The following SMG6 variants were observed in gnomAD, a reference collection of about 807,000 sequenced individuals.
SMG6 encodes SMG6 nonsense mediated mRNA decay factor.
A neutral mutation model predicts 142.2 loss-of-function variants in SMG6; 66 were observed. The observed-to-expected ratio is 0.46, with a 90% confidence interval of 0.38 to 0.57. The LOEUF (loss-of-function observed/expected upper bound fraction) is 0.57, where lower values mean the gene tolerates loss of function less well. Ranked by LOEUF, SMG6 falls within the 20% of genes least tolerant of loss-of-function variation. The probability of loss-of-function intolerance (pLI) is 0.00; values close to 1 mark genes in which losing one functional copy is unlikely to be tolerated. For synonymous variants in SMG6, 779 were observed against 702.4 expected, an observed-to-expected ratio of 1.11 and a Z score of -1.72; for missense variants, 1,793 against 1,832.0, an observed-to-expected ratio of 0.98 and a Z score of 0.39.
chr17:2,297,763 G>A (rs892648925), intron 3 of SMG6, 100 bp downstream of exon 3: 8 of 1,375,484 alleles, frequency 5.8e-6, no homozygotes, highest in East Asian at 4.7e-5. Flanking sequence ...TTTTTTTGTC[G>A]ATATTCTGTT....
intron 18 of SMG6, chr17:2,062,248 G>A (rs12451211): frequency 0.76 from 115,650 of 152,330 alleles, 44,028 homozygotes; most frequent in East Asian, 0.94. Context: ...GTATACAGGC[G>A]AAAGTCTCTA....
At chr17:2,231,614 T>G (rs185142003) in intron 10 of SMG6, among the ~76,000 whole-genome samples, 1 of 152,066 alleles carries the variant, frequency 6.6e-6, no homozygotes, top group African/African-American at 2.4e-5. Context: ...GGAGAACTGC[T>G]TGAACCCGGG....
intron 14 of SMG6, 175 bp from the exon 15 acceptor site, chr17:2,082,131 G>A: frequency 3.2e-6 from 2 of 617,840 alleles, no homozygotes; most frequent in Non-Finnish European, 5.7e-6. Flanking sequence ...GTTGACAAAA[G>A]CTGTCACTCT....
At chr17:2,223,136 C>G (rs889120834) in intron 10 of SMG6, among the ~76,000 whole-genome samples, 4 of 152,162 alleles carry the variant, frequency 2.6e-5, no homozygotes, top group African/African-American at 9.7e-5. Context: ...GCCTAAAGCC[C>G]TGGGCAGGCA....
intron 10 of SMG6, among the ~76,000 whole-genome samples, chr17:2,191,467 C>T (rs2072160901): frequency 6.6e-6 from 1 of 152,190 alleles, no homozygotes; most frequent in African/African-American, 2.4e-5. Context: ...CATTGTTTGC[C>T]TTGGTATTCG....
Position 2,269,174 on chromosome 17 carries a change from C to T in SMG6, c.2661+13473G>A, listed in dbSNP as rs1257982308. Among the ~76,000 whole-genome samples the T allele has an allele frequency of 3.5e-5, 5 of 144,224 alleles. No individual in the cohort carries two copies. In the South Asian group the frequency reaches 6.5e-4, roughly 19 times the overall value. The allele number at this position is 144,224 out of a possible 152,430, so 94.6% of individuals were successfully genotyped here. ...GGCGGAGCTTGCAGTGAGCCGAGAT[C>T]GCAGCACTGCACTCCAGCCTGGGCG... On this transcript the variant is annotated intron_variant, in intron 8 of 18. Transcript: ENST00000263073.
chr17:2,158,264 C>T (rs1001313384), intron 13 of SMG6, among the ~76,000 whole-genome samples: 5 of 152,014 alleles, frequency 3.3e-5, no homozygotes, highest in Non-Finnish European at 7.4e-5. Flanking sequence ...TGCACATATG[C>T]AAACCACGTT....
intron 10 of SMG6, chr17:2,232,696 G>C (rs1006947411): frequency 2.6e-5 from 4 of 152,162 alleles, no homozygotes; most frequent in African/African-American, 9.7e-5. Context: ...ACCGAGAGGA[G>C]ATCAAGGTCT....
At position 2,194,054 on chromosome 17, in the gene SMG6, G is replaced by C. The variant is rs563056406; in HGVS notation, c.2870-5539C>G. ...GATCCACCTGCCTCGGTCTCCCAAAGTGCTGGGATTACAGGCATGAGCCAC... is the reference window on the plus strand; with the variant it reads ...GATCCACCTGCCTCGGTCTCCCAAACTGCTGGGATTACAGGCATGAGCCAC... On this transcript the variant is annotated intron_variant, in intron 10 of 18. Coordinates refer to ENST00000263073, the MANE Select transcript of SMG6 (RefSeq NM_017575.5). Among the ~76,000 whole-genome samples the C allele has an allele frequency of 2.6e-5, 4 of 152,318 alleles. No individual in the cohort carries two copies. The South Asian group carries it at 8.3e-4, about 32-fold the overall frequency.
intron 10 of SMG6, among the ~76,000 whole-genome samples, chr17:2,204,716 C>T (rs985540550): frequency 6.6e-6 from 1 of 152,186 alleles, no homozygotes; most frequent in African/African-American, 2.4e-5. Flanking sequence ...ATAATTCCAA[C>T]ACTTTGGGAT....
At chr17:2,137,793 G>A (rs963165660) in intron 13 of SMG6, among the ~76,000 whole-genome samples, 4 of 152,124 alleles carry the variant, frequency 2.6e-5, no homozygotes, top group Admixed American at 6.5e-5. Flanking sequence ...TCCCCCACCC[G>A]CAAGCTGGCT....
chr17:2,119,144 G>A (rs2069602539), intron 13 of SMG6, among the ~76,000 whole-genome samples: 1 of 150,740 alleles, frequency 6.6e-6, no homozygotes, highest in Non-Finnish European at 1.5e-5. Context: ...TGCAACCTCC[G>A]TCTCCCGGGT....
At chr17:2,291,900 A>G (rs1255894676) in intron 6 of SMG6, among the ~76,000 whole-genome samples, 1 of 149,330 alleles carries the variant, frequency 6.7e-6, no homozygotes, top group East Asian at 2.0e-4. Context: ...CTTGCTAATG[A>G]GCATCTTATT....
intron 17 of SMG6, 97 bp downstream of exon 17, chr17:2,065,371 G>C (rs1329239932): frequency 1.6e-5 from 20 of 1,285,264 alleles, no homozygotes; most frequent in Admixed American, 1.4e-4. Context: ...CTGGCCCTCA[G>C]CTGCCCAGGC....
intron 10 of SMG6, among the ~76,000 whole-genome samples, chr17:2,225,081 T>C (rs995891823): frequency 6.6e-6 from 1 of 152,160 alleles, no homozygotes; most frequent in African/African-American, 2.4e-5. Flanking sequence ...TCAAAAGAAC[T>C]TCACTAAATA....
intron 13 of SMG6, among the ~76,000 whole-genome samples, chr17:2,124,916 G>A (rs1416909767): frequency 1.3e-5 from 2 of 152,164 alleles, no homozygotes; most frequent in East Asian, 3.8e-4. Flanking sequence ...GCACCGAAAG[G>A]CATTTTTTGT....
intron 13 of SMG6, 151 bp from the exon 14 acceptor site, chr17:2,086,052 A>T (rs1419182735): frequency 1.3e-6 from 1 of 755,530 alleles, no homozygotes; most frequent in Non-Finnish European, 2.2e-6. Context: ...GGAGGGCACA[A>T]GGGCATGTCA....
intron 13 of SMG6, among the ~76,000 whole-genome samples, chr17:2,150,507 CT>C (rs2070793373): frequency 2.7e-5 from 4 of 150,498 alleles, no homozygotes; most frequent in African/African-American, 9.8e-5. Flanking sequence ...GTGGTTATGT[CT>C]TCCTGGCCCT....
At chr17:2,117,305 G>A (rs2069538514) in intron 13 of SMG6, among the ~76,000 whole-genome samples, 1 of 151,662 alleles carries the variant, frequency 6.6e-6, no homozygotes, top group East Asian at 1.9e-4. Context: ...GGAGATCTCA[G>A]ACACTGTATT....
Sources: gnomAD v4.1 joint callset for allele counts (sites outside exome capture counted in the v4.1 genomes callset) on GRCh38, gnomAD v4.1.1 for gene constraint, MANE v1.5 for transcripts, NCBI Gene and HGNC (gene_info 2026-07-23, HGNC 2026-07-21) for gene names.